The following UBE2R2 variants were observed in gnomAD, a reference collection of about 807,000 sequenced individuals.
UBE2R2 encodes the protein ubiquitin conjugating enzyme E2 R2, also known as ubiquitin-conjugating enzyme E2 R2.
UBE2R2 carries 1 observed loss-of-function variant against 27.8 expected under a neutral mutation model. That is an observed-to-expected ratio of 0.04 (90% confidence interval 0.01 to 0.17). UBE2R2 has a LOEUF of 0.17. Among genes scored for constraint, UBE2R2 ranks in the 10% least tolerant of loss-of-function variants. UBE2R2 has a pLI of 1.00. For missense variants in UBE2R2, 100 were observed against 291.0 expected, an observed-to-expected ratio of 0.34 and a Z score of 4.78; for synonymous variants, 106 against 113.3, an observed-to-expected ratio of 0.94 and a Z score of 0.41.
chr9:33,877,299 A>T (rs1347041948), intron 1 of UBE2R2, among the ~76,000 whole-genome samples: 1 of 149,704 alleles, frequency 6.7e-6, no homozygotes, highest in East Asian at 2.0e-4. Flanking sequence ...CTCCTGCCTC[A>T]GCCTCCCGAG....
At chr9:33,915,684 C>T (rs1012069720) in intron 4 of UBE2R2, among the ~76,000 whole-genome samples, 2 of 152,154 alleles carry the variant, frequency 1.3e-5, no homozygotes, top group East Asian at 3.8e-4. Context: ...TTGCACACCT[C>T]TTATGTGCCA....
At chr9:33,904,591 G>T (rs1041349574) in intron 3 of UBE2R2, among the ~76,000 whole-genome samples, 1 of 152,220 alleles carries the variant, frequency 6.6e-6, no homozygotes, top group African/African-American at 2.4e-5. Flanking sequence ...AGGGACTCCA[G>T]TTACCTTCAA....
chr9:33,832,137 C>T (rs1401065736), intron 1 of UBE2R2, among the ~76,000 whole-genome samples: 15 of 147,776 alleles, frequency 1.0e-4, no homozygotes, highest in East Asian at 2.1e-4. Context: ...GGAGAAACCC[C>T]GTCTCTACTA....
At chr9:33,888,288 T>C (rs1821906922) in intron 2 of UBE2R2, among the ~76,000 whole-genome samples, 1 of 151,564 alleles carries the variant, frequency 6.6e-6, no homozygotes, top group Admixed American at 6.6e-5. Flanking sequence ...GCCTGCCAGC[T>C]CTGTCCATTT....
chr9:33,853,774 ATT>A (rs749498528), intron 1 of UBE2R2, among the ~76,000 whole-genome samples: 2,086 of 112,176 alleles, frequency 0.019, 33 homozygotes, highest in African/African-American at 0.066. Context: ...CTTCCTTCCA[ATT>A]TTTTTTTTTT....
intron 3 of UBE2R2, among the ~76,000 whole-genome samples, chr9:33,905,255 G>A (rs905613409): frequency 1.3e-5 from 2 of 152,140 alleles, no homozygotes; most frequent in African/African-American, 4.8e-5. Flanking sequence ...GTATAAAAGA[G>A]TCTGTCTCAG....
At chr9:33,854,376 A>G (rs10971736) in intron 1 of UBE2R2, among the ~76,000 whole-genome samples, 11,979 of 151,534 alleles carry the variant, frequency 0.079, 681 homozygotes, top group Non-Finnish European at 0.12. Flanking sequence ...CTGGAGTGCA[A>G]TGGTACAATC....
intron 1 of UBE2R2, among the ~76,000 whole-genome samples, chr9:33,873,248 A>T (rs1821527701): frequency 1.3e-5 from 2 of 151,862 alleles, no homozygotes; most frequent in South Asian, 4.1e-4. Context: ...ACCTGTAGGT[A>T]AATGAAAGTC....
At chr9:33,828,516 G>A (rs1188677393) in intron 1 of UBE2R2, among the ~76,000 whole-genome samples, 1 of 150,786 alleles carries the variant, frequency 6.6e-6, no homozygotes, top group Non-Finnish European at 1.5e-5. Flanking sequence ...TAGCCTCCAA[G>A]TAGCTGGGAC....
In UBE2R2 at chr9:33,917,598, C is replaced by CAAGA. The variant is rs924814164; in HGVS notation, c.*362_*365dup. ...ATTCTTGAAGAATTCAATAGTCTTT[C>CAAGA]AAGATGTTTAATGTGTTTAAAGCTG... On this transcript the variant is annotated 3_prime_UTR_variant, in exon 5 of 5. Transcript: ENST00000263228. 4.0e-5 allele frequency: 17 copies of CAAGA among 427,090 alleles called. No individual in the cohort carries two copies. The highest frequency in any genetic ancestry group is 3.3e-4 in the African/African-American group (16 of 48,822). 26.5% of individuals were successfully genotyped at this position (427,090 alleles called of 1,614,324 possible). A position where few individuals can be genotyped will look rare whatever the true frequency, so the allele number is the denominator to read the frequency against.
At chr9:33,851,184 TAAAC>T (rs1053907354) in intron 1 of UBE2R2, among the ~76,000 whole-genome samples, 3 of 152,134 alleles carry the variant, frequency 2.0e-5, no homozygotes, top group South Asian at 2.1e-4. Flanking sequence ...TAAAAATTTT[TAAAC>T]AACCACAAAC....
rs1822696728 is a variant in UBE2R2 at position 33,918,026 on chromosome 9, G to GTTAT, written c.*792_*795dup. ...GGTTGCTATTTATTTTAAAGGCAGG[G>GTTAT]TTATTTCCCCCCAGGGAGTGGGGCA... On this transcript the variant is annotated 3_prime_UTR_variant, in exon 5 of 5. Coordinates refer to ENST00000263228, the MANE Select transcript of UBE2R2 (RefSeq NM_017811.4). 6.5e-6 allele frequency: 1 copy of GTTAT among 153,678 alleles called. No homozygotes were observed. 9.5% of individuals were successfully genotyped at this position (153,678 alleles called of 1,614,324 possible).
Position 33,817,945 on chromosome 9 carries a change from C to T in UBE2R2, c.177+11C>T, listed in dbSNP as rs755867808. The T allele has an allele frequency of 3.7e-6, 6 of 1,602,158 alleles. No individual in the cohort carries two copies. The highest frequency in any genetic ancestry group is 4.6e-5 in the East Asian group (2 of 43,258). ...GGCGGCTACTTCAAGGTACCCTCAC[C>T]CTCCTCCCGGACCCTGCTTCCGCGG... is the stretch of plus-strand genomic sequence containing the variant. On this transcript the variant is annotated intron_variant, in intron 1 of 4. Transcript: ENST00000263228.
intron 1 of UBE2R2, among the ~76,000 whole-genome samples, chr9:33,819,329 A>G (rs1020381083): frequency 2.6e-5 from 4 of 152,174 alleles, no homozygotes; most frequent in African/African-American, 4.8e-5. Flanking sequence ...TTTGTAGGAA[A>G]TGGGATTGAT....
chr9:33,826,568 C>G (rs10971718), intron 1 of UBE2R2, among the ~76,000 whole-genome samples: 11,973 of 151,716 alleles, frequency 0.079, 680 homozygotes, highest in Non-Finnish European at 0.12. Flanking sequence ...CATGGTGGCA[C>G]GTGCCTGTAG....
intron 1 of UBE2R2, among the ~76,000 whole-genome samples, chr9:33,860,758 G>A (rs1004503738): frequency 5.3e-5 from 8 of 151,838 alleles, no homozygotes; most frequent in Non-Finnish European, 1.0e-4. Context: ...AATAAATATT[G>A]TGGGTGTGGT....
At chr9:33,870,246 G>A (rs1266810295) in intron 1 of UBE2R2, among the ~76,000 whole-genome samples, 4 of 152,076 alleles carry the variant, frequency 2.6e-5, no homozygotes, top group Admixed American at 6.6e-5. Flanking sequence ...GGGTTCAAGC[G>A]ATTCTCCTGC....
chr9:33,867,490 C>T (rs2130775549), intron 1 of UBE2R2, among the ~76,000 whole-genome samples: 1 of 152,178 alleles, frequency 6.6e-6, no homozygotes, highest in South Asian at 2.1e-4. Flanking sequence ...AGTAAGATTG[C>T]CAGTTTTCTA....
intron 1 of UBE2R2, among the ~76,000 whole-genome samples, chr9:33,844,112 T>G (rs1366656980): frequency 6.6e-6 from 1 of 152,216 alleles, no homozygotes; most frequent in Admixed American, 6.6e-5. Context: ...ATACAGTGAG[T>G]AACCATAAGC....
Sources: gnomAD v4.1 joint callset for allele counts (sites outside exome capture counted in the v4.1 genomes callset) on GRCh38, gnomAD v4.1.1 for gene constraint, MANE v1.5 for transcripts, NCBI Gene and HGNC (gene_info 2026-07-23, HGNC 2026-07-21) for gene names.